DYNLRB1: variants seen among roughly 807,000 people sequenced by gnomAD.
DYNLRB1 encodes dynein light chain roadblock-type 1.
DYNLRB1 carries 6 observed loss-of-function variants against 13.5 expected under a neutral mutation model. That is an observed-to-expected ratio of 0.44 (90% confidence interval 0.24 to 0.88). The LOEUF (loss-of-function observed/expected upper bound fraction) is 0.88. DYNLRB1 is among the 40% of genes least tolerant of loss of function. DYNLRB1 has a pLI of 0.21. For synonymous variants in DYNLRB1, 43 were observed against 45.0 expected, an observed-to-expected ratio of 0.96 and a Z score of 0.18; for missense variants, 93 against 127.2, an observed-to-expected ratio of 0.73 and a Z score of 1.29.
chr20:34,533,101 C>T (rs1415789310), intron 2 of DYNLRB1, among the ~76,000 whole-genome samples: 1 of 152,210 alleles, frequency 6.6e-6, no homozygotes, highest in Non-Finnish European at 1.5e-5. Context: ...TCATGACCTG[C>T]GGTGGCTCAG....
intron 1 of DYNLRB1, among the ~76,000 whole-genome samples, chr20:34,519,306 G>C (rs1651057923): frequency 6.6e-6 from 1 of 152,192 alleles, no homozygotes; most frequent in African/African-American, 2.4e-5. Flanking sequence ...TCTGTTGGCA[G>C]TTGGGTGTGT....
chr20:34,522,782 C>G (rs959319231), intron 1 of DYNLRB1, among the ~76,000 whole-genome samples: 2 of 152,166 alleles, frequency 1.3e-5, no homozygotes, highest in African/African-American at 4.8e-5. Context: ...CCCATGTTTA[C>G]TTTTAAACAG....
chr20:34,516,555 G>C, intron 1 of DYNLRB1, 94 bp downstream of exon 1: 1 of 1,579,226 alleles, frequency 6.3e-7, no homozygotes, highest in Non-Finnish European at 8.6e-7. Context: ...CAGAGCTCCG[G>C]ACAGGGAATC....
intron 1 of DYNLRB1, chr20:34,516,927 C>T: frequency 7.3e-7 from 1 of 1,375,336 alleles, no homozygotes; most frequent in African/African-American, 1.5e-5. Flanking sequence ...TTATTCAGCG[C>T]CCCGAGAAGC....
intron 3 of DYNLRB1, among the ~76,000 whole-genome samples, chr20:34,540,056 A>G (rs1981459438): frequency 6.6e-6 from 1 of 152,194 alleles, no homozygotes; most frequent in Non-Finnish European, 1.5e-5. Context: ...CTTTGACACT[A>G]AGTAGCTGGG....
At chr20:34,518,700 C>T (rs1305947205) in intron 1 of DYNLRB1, among the ~76,000 whole-genome samples, 1 of 151,640 alleles carries the variant, frequency 6.6e-6, no homozygotes, top group Non-Finnish European at 1.5e-5. Context: ...GTGATTCACC[C>T]ACGTTGGCCT....
At chr20:34,528,400 G>A (rs1206407859) in intron 2 of DYNLRB1, among the ~76,000 whole-genome samples, 1 of 151,568 alleles carries the variant, frequency 6.6e-6, no homozygotes, top group Non-Finnish European at 1.5e-5. Context: ...AGACTTGGGA[G>A]GAGAGGAGTC....
intron 3 of DYNLRB1, among the ~76,000 whole-genome samples, chr20:34,540,358 C>T (rs1217391955): frequency 2.0e-5 from 3 of 152,204 alleles, no homozygotes; most frequent in East Asian, 1.9e-4. Flanking sequence ...GTAGAGTGCC[C>T]GCTGCCCGGT....
intron 1 of DYNLRB1, chr20:34,516,666 C>A (rs1332508581): frequency 6.1e-6 from 9 of 1,465,264 alleles, no homozygotes; most frequent in Non-Finnish European, 8.1e-6. Context: ...GCCGCCGGAT[C>A]CCGCTGCCCC....
intron 2 of DYNLRB1, among the ~76,000 whole-genome samples, chr20:34,527,207 C>T (rs1183492063): frequency 1.3e-5 from 2 of 152,182 alleles, no homozygotes; most frequent in Admixed American, 1.3e-4. Flanking sequence ...CTTTCTCCCG[C>T]GCCAGGCTGT....
chr20:34,535,388 A>T, intron 3 of DYNLRB1: 1 of 982,560 alleles, frequency 1.0e-6, no homozygotes, highest in Non-Finnish European at 1.2e-6. Context: ...CCTTTACGCG[A>T]GGTGCTTGCC....
chr20:34,516,514 G>A, intron 1 of DYNLRB1, 53 bp downstream of exon 1: 5 of 1,607,636 alleles, frequency 3.1e-6, no homozygotes, highest in Non-Finnish European at 4.2e-6. Flanking sequence ...CCCCACGCCA[G>A]GCCTTCAGTC....
chr20:34,516,614 G>A, intron 1 of DYNLRB1, 153 bp downstream of exon 1: 1 of 1,503,356 alleles, frequency 6.7e-7, no homozygotes, highest in Non-Finnish European at 8.9e-7. Flanking sequence ...ACTTGAGGGT[G>A]GAACCCGGCG....
At chr20:34,525,672 G>A (rs1439440757) in intron 1 of DYNLRB1, among the ~76,000 whole-genome samples, 3 of 152,256 alleles carry the variant, frequency 2.0e-5, no homozygotes, top group Middle Eastern at 3.4e-3. Flanking sequence ...ATGAGGACCC[G>A]AACTGCGACT....
At chr20:34,520,748 T>A (rs1979647469) in intron 1 of DYNLRB1, among the ~76,000 whole-genome samples, 1 of 152,098 alleles carries the variant, frequency 6.6e-6, no homozygotes, top group South Asian at 2.1e-4. Flanking sequence ...CATACCTGGC[T>A]GCTTCCATTT....
At chr20:34,523,967 CCCTTTCTTTCT>C (rs1283692594) in intron 1 of DYNLRB1, among the ~76,000 whole-genome samples, 2 of 151,988 alleles carry the variant, frequency 1.3e-5, no homozygotes, top group Non-Finnish European at 2.9e-5. Flanking sequence ...ACTTTCTTTC[CCCTTTCTTTCT>C]GGGTTGATTG....
At chr20:34,538,997 T>G (rs1277339771) in intron 3 of DYNLRB1, among the ~76,000 whole-genome samples, 1 of 152,234 alleles carries the variant, frequency 6.6e-6, no homozygotes, top group African/African-American at 2.4e-5. Context: ...GTGTGAGAAG[T>G]GGGTGGCCCA....
chr20:34,532,582 A>T (rs968464762), intron 2 of DYNLRB1, among the ~76,000 whole-genome samples: 1 of 152,192 alleles, frequency 6.6e-6, no homozygotes, highest in South Asian at 2.1e-4. Flanking sequence ...TGGTTAGATT[A>T]TAATGGACGC....
intron 1 of DYNLRB1, among the ~76,000 whole-genome samples, chr20:34,525,173 T>C (rs1980089572): frequency 6.6e-6 from 1 of 151,576 alleles, no homozygotes; most frequent in Non-Finnish European, 1.5e-5. Context: ...CCACCCAGTG[T>C]TGAGGATCCC....
Sources: gnomAD v4.1 joint callset for allele counts (sites outside exome capture counted in the v4.1 genomes callset) on GRCh38, gnomAD v4.1.1 for gene constraint, MANE v1.5 for transcripts, NCBI Gene and HGNC (gene_info 2026-07-23, HGNC 2026-07-21) for gene names.